SKP2: variants seen among roughly 807,000 people sequenced by gnomAD.
SKP2 encodes S-phase kinase-associated protein 2.
In SKP2, 16 loss-of-function variants were observed where a neutral mutation model predicts 51.8. The ratio of observed to expected loss-of-function variants is 0.31; its 90% confidence interval spans 0.21 to 0.47. SKP2 has a LOEUF of 0.47. SKP2 is among the 20% of genes least tolerant of loss of function. The probability of loss-of-function intolerance (pLI) is 1.00; values close to 1 mark genes in which losing one functional copy is unlikely to be tolerated. For missense variants in SKP2, 377 were observed against 505.3 expected (o/e 0.75, Z 2.43); for synonymous variants, 176 against 198.6 (o/e 0.89, Z 0.96).
chr5:36,183,516 C>G lies in SKP2; in HGVS notation c.*1485C>G. 1.4e-6 allele frequency: 1 copy of G among 729,860 alleles called. No individual in the cohort carries two copies. Among genetic ancestry groups the G allele is most frequent in the Non-Finnish European group, 1.7e-6 (1 of 594,706 alleles). 45.2% of individuals were successfully genotyped at this position (729,860 alleles called of 1,614,324 possible). ...TCTCCTGACCTCATGATCCGCCCGT[C>G]TTGGCCTCCCAAAGTGCTGGGATTA... is the stretch of plus-strand genomic sequence containing the variant. On this transcript the variant is annotated 3_prime_UTR_variant, in exon 10 of 10. Coordinates refer to ENST00000274255, the MANE Select transcript of SKP2 (RefSeq NM_005983.4).
At chr5:36,184,509 G>A (rs1033313908), downstream of SKP2, among the ~76,000 whole-genome samples, 2 of 152,162 alleles carry the variant, frequency 1.3e-5, no homozygotes, top group African/African-American at 4.8e-5. Flanking sequence ...AGAACATGTG[G>A]TGTTTGGTTT....
intron 7 of SKP2, among the ~76,000 whole-genome samples, chr5:36,174,878 A>T (rs927971722): frequency 2.0e-5 from 3 of 152,114 alleles, no homozygotes; most frequent in African/African-American, 7.2e-5. Flanking sequence ...TATGGAACCA[A>T]TGTGTGAGAG....
chr5:36,185,652 G>A (rs1745946192), downstream of SKP2, among the ~76,000 whole-genome samples: 1 of 152,130 alleles, frequency 6.6e-6, no homozygotes. Context: ...TTTGGTTACT[G>A]TAGCCTTGTA....
At chr5:36,184,934 G>C (rs2112021335), downstream of SKP2, among the ~76,000 whole-genome samples, 1 of 152,280 alleles carries the variant, frequency 6.6e-6, no homozygotes, top group African/African-American at 2.4e-5. Context: ...GTTGTTTCCT[G>C]ACTTTTTAAT....
chr5:36,152,328 A>G, intron 1 of SKP2, 58 bp downstream of exon 1: 2 of 1,512,730 alleles, frequency 1.3e-6, no homozygotes, highest in African/African-American at 1.4e-5. Context: ...TAATTCTTTT[A>G]GGCCGCGAAT....
At chr5:36,157,435 G>C (rs1744986326) in intron 2 of SKP2, among the ~76,000 whole-genome samples, 1 of 152,140 alleles carries the variant, frequency 6.6e-6, no homozygotes, top group South Asian at 2.1e-4. Flanking sequence ...TGTTAAGTTT[G>C]GCTGTGTTTT....
At chr5:36,189,332 G>T (rs1204641947) in intron 6 of SKP2, among the ~76,000 whole-genome samples, 1 of 152,152 alleles carries the variant, frequency 6.6e-6, no homozygotes, top group Non-Finnish European at 1.5e-5. Context: ...TTTCTGCTCT[G>T]TTTTTTCCCT....
Position 36,152,169 on chromosome 5 carries a change from CGCTCGGA to C in SKP2, c.-91_-85del. 2 of 1,359,142 alleles carry C rather than the reference CGCTCGGA, an allele frequency of 1.5e-6. No homozygotes were observed. Among genetic ancestry groups the C allele is most frequent in the Non-Finnish European group, 2.1e-6 (2 of 950,184 alleles). The allele number at this position is 1,359,142 out of a possible 1,614,324, so 84.2% of individuals were successfully genotyped here. A position where few individuals can be genotyped will look rare whatever the true frequency, so the allele number is the denominator to read the frequency against. On this transcript the variant is annotated 5_prime_UTR_variant, in exon 1 of 10. Coordinates refer to ENST00000274255, the MANE Select transcript of SKP2 (RefSeq NM_005983.4). ...CTGGCTGCTGGGGGCCCGAGCAGCA[CGCTCGGA>C]GCCGCCGCGCGCCAAAGCGGGAATC...
In SKP2 at chr5:36,168,249, G is replaced by A. The variant is rs1276605777; in HGVS notation, c.537-64G>A. 7.8e-6 allele frequency: 12 copies of A among 1,529,544 alleles called. No homozygotes were observed. The South Asian group carries it at 1.4e-4, about 18-fold the overall frequency. The allele number at this position is 1,529,544 out of a possible 1,614,324, so 94.7% of individuals were successfully genotyped here. Reference sequence around the variant, plus strand: ...GCTCATTTGGGGAGAAGAGGGGTCTGGTTTGAAATTGGATGTACCCGTGAG... The same window carrying A: ...GCTCATTTGGGGAGAAGAGGGGTCTAGTTTGAAATTGGATGTACCCGTGAG... On this transcript the variant is annotated intron_variant, in intron 4 of 9. Coordinates refer to ENST00000274255, the MANE Select transcript of SKP2 (RefSeq NM_005983.4).
chr5:36,154,406 G>A (rs574957700), intron 2 of SKP2, among the ~76,000 whole-genome samples: 17 of 152,218 alleles, frequency 1.1e-4, no homozygotes, highest in Middle Eastern at 3.4e-3. Flanking sequence ...AGGGAGAGTC[G>A]GGGGAGATCA....
chr5:36,191,030 T>C (rs1330659653), intron 6 of SKP2, among the ~76,000 whole-genome samples: 1 of 152,204 alleles, frequency 6.6e-6, no homozygotes, highest in Non-Finnish European at 1.5e-5. Context: ...TTAGGGTTTC[T>C]TCCTTTCTTT....
downstream of SKP2, among the ~76,000 whole-genome samples, chr5:36,186,711 T>TTTG (rs200467720): frequency 0.92 from 139,758 of 151,618 alleles, 64,953 homozygotes; most frequent in Non-Finnish European, 0.98. Flanking sequence ...AATTCTCTTT[T>TTTG]GTTGTGTCTC....
At chr5:36,188,531 T>C (rs1327626295), downstream of SKP2, among the ~76,000 whole-genome samples, 2 of 152,204 alleles carry the variant, frequency 1.3e-5, no homozygotes, top group Middle Eastern at 3.2e-3. Context: ...TGAAAATTCT[T>C]TTCTTTAAGA....
intron 3 of SKP2, among the ~76,000 whole-genome samples, chr5:36,165,004 G>C (rs1579559108): frequency 2.6e-5 from 4 of 152,250 alleles, no homozygotes; most frequent in African/African-American, 9.6e-5. Context: ...TATATCTTGG[G>C]ATGTGTTCAT....
At chr5:36,169,151 G>C (rs889905888) in intron 5 of SKP2, among the ~76,000 whole-genome samples, 2 of 152,162 alleles carry the variant, frequency 1.3e-5, no homozygotes, top group East Asian at 3.9e-4. Context: ...CTTCCATTAA[G>C]AGGGAAGCAT....
chr5:36,188,707 C>A (rs1005459028), downstream of SKP2, among the ~76,000 whole-genome samples: 1 of 152,106 alleles, frequency 6.6e-6, no homozygotes, highest in Non-Finnish European at 1.5e-5. Context: ...AATTATGTGC[C>A]TTCGGGTTGC....
intron 9 of SKP2, chr5:36,180,172 C>A: frequency 1.4e-6 from 1 of 694,362 alleles, no homozygotes; most frequent in Non-Finnish European, 2.4e-6. Flanking sequence ...TTCTCCAGTG[C>A]AGAATGGCTC....
intron 6 of SKP2, among the ~76,000 whole-genome samples, chr5:36,170,814 A>G (rs936581853): frequency 1.3e-5 from 2 of 152,192 alleles, no homozygotes; most frequent in Non-Finnish European, 2.9e-5. Context: ...TTGGTGTTTT[A>G]TAAATATAGA....
chr5:36,165,561 G>C (rs1006870010), intron 3 of SKP2, among the ~76,000 whole-genome samples: 11 of 152,128 alleles, frequency 7.2e-5, no homozygotes, highest in Non-Finnish European at 1.0e-4. Flanking sequence ...ATGGATTTCT[G>C]TCTGGGCAAG....
Sources: gnomAD v4.1 joint callset for allele counts (sites outside exome capture counted in the v4.1 genomes callset) on GRCh38, gnomAD v4.1.1 for gene constraint, MANE v1.5 for transcripts, NCBI Gene and HGNC (gene_info 2026-07-23, HGNC 2026-07-21) for gene names.